The following LRRC8A variants were observed in gnomAD, a reference collection of about 807,000 sequenced individuals.
LRRC8A encodes leucine rich repeat containing 8 VRAC subunit A.
LRRC8A carries 24 observed loss-of-function variants against 52.5 expected under a neutral mutation model. The ratio of observed to expected loss-of-function variants is 0.46; its 90% CI spans 0.33 to 0.64. The LOEUF (loss-of-function observed/expected upper bound fraction) is 0.64. Among genes scored for constraint, LRRC8A ranks in the 30% least tolerant of loss-of-function variants. The pLI, the probability that LRRC8A is intolerant of heterozygous loss-of-function variation, is 0.02. For missense variants in LRRC8A, 677 were observed against 1,094.7 expected, an observed-to-expected ratio of 0.62 and a Z score of 5.38; for synonymous variants, 492 against 494.2, an observed-to-expected ratio of 1.00 and a Z score of 0.06.
intron 2 of LRRC8A, among the ~76,000 whole-genome samples, chr9:128,891,546 G>A (rs776924091): frequency 6.6e-6 from 1 of 152,160 alleles, no homozygotes; most frequent in South Asian, 2.1e-4. Context: ...CGGCGACAGC[G>A]CAAGATCCTG....
At chr9:128,889,378 G>A (rs1000023948) in intron 2 of LRRC8A, among the ~76,000 whole-genome samples, 4 of 152,086 alleles carry the variant, frequency 2.6e-5, no homozygotes, top group Non-Finnish European at 4.4e-5. Context: ...CTGACCGGAC[G>A]CCATTCTTTC....
Position 128,882,235 on chromosome 9 carries a change from G to T in LRRC8A, c.-131G>T, listed in dbSNP as rs1214412274. 6.5e-6 allele frequency: 1 copy of T among 152,936 alleles called. No individual in the cohort carries two copies. The highest frequency in any genetic ancestry group is 1.5e-5 in the Non-Finnish European group (1 of 68,398). 9.5% of individuals were successfully genotyped at this position (152,936 alleles called of 1,614,324 possible). A position where few individuals can be genotyped will look rare whatever the true frequency, so the allele number is the denominator to read the frequency against. ...CCTGGGGCTGCCTGCCGGGCGGCCG[G>T]GCGCGGCGAGCCCAGGTGAGTGGAC... On this transcript the variant is annotated 5_prime_UTR_variant, in exon 1 of 4. Transcript: ENST00000372600.
intron 3 of LRRC8A, chr9:128,912,820 G>GGGATGGAGAGACAT (rs1840615546): frequency 6.6e-6 from 1 of 152,446 alleles, no homozygotes; most frequent in Non-Finnish European, 1.5e-5. Context: ...AAGGCAGGTA[G>GGGATGGAGAGACAT]GGATGGAGAG....
At chr9:128,895,551 A>G (rs1839790291) in intron 2 of LRRC8A, among the ~76,000 whole-genome samples, 1 of 152,212 alleles carries the variant, frequency 6.6e-6, no homozygotes, top group Non-Finnish European at 1.5e-5. Flanking sequence ...ACCCCCAGGC[A>G]CAGAGATGCC....
Position 128,899,397 on chromosome 9 carries a change from G to A in LRRC8A, c.-8-7760G>A, listed in dbSNP as rs1839943447. 6.6e-6 allele frequency among the ~76,000 whole-genome samples: 1 copy of A among 150,838 alleles called. No homozygotes were observed. Among genetic ancestry groups the A allele is most frequent in the South Asian group, 2.1e-4 (1 of 4,676 alleles). On this transcript the variant is annotated intron_variant, in intron 2 of 3. Coordinates refer to ENST00000372600, the MANE Select transcript of LRRC8A (RefSeq NM_019594.4). This position sits in a 1 kb window ranked among gnomAD's most constrained non-coding sequence, Gnocchi z 4.0. Reference sequence around the variant, plus strand: ...CACCCCAAGAAGGGCTCTCGGTGGGGTCTGCTCCATCTGAATGGCCCACCC... The same window carrying A: ...CACCCCAAGAAGGGCTCTCGGTGGGATCTGCTCCATCTGAATGGCCCACCC...
At chr9:128,897,011 G>T (rs1053364071) in intron 2 of LRRC8A, among the ~76,000 whole-genome samples, 1 of 151,846 alleles carries the variant, frequency 6.6e-6, no homozygotes, top group African/African-American at 2.4e-5. Context: ...GGCGTGAGCA[G>T]TTGTGCCCGG....
chr9:128,893,023 G>A (rs1839686632), intron 2 of LRRC8A, among the ~76,000 whole-genome samples: 1 of 152,160 alleles, frequency 6.6e-6, no homozygotes, highest in African/African-American at 2.4e-5. Flanking sequence ...CGTGCTGGGG[G>A]GGTCTCTCTC....
At chr9:128,883,713 G>A (rs1185265361) in intron 1 of LRRC8A, among the ~76,000 whole-genome samples, 1 of 152,188 alleles carries the variant, frequency 6.6e-6, no homozygotes, top group Admixed American at 6.5e-5. Flanking sequence ...GGTGGCTCAC[G>A]CCTGTAATCC....
At chr9:128,896,826 A>G (rs1271857757) in intron 2 of LRRC8A, among the ~76,000 whole-genome samples, 1 of 151,964 alleles carries the variant, frequency 6.6e-6, no homozygotes, top group African/African-American at 2.4e-5. Context: ...AGTTCAAGGG[A>G]TTCTCCTGCC....
chr9:128,884,057 T>A (rs896989087), intron 1 of LRRC8A, among the ~76,000 whole-genome samples: 4 of 152,062 alleles, frequency 2.6e-5, no homozygotes, highest in Non-Finnish European at 5.9e-5. Context: ...GTGGTGGTTC[T>A]CCATCCCTTA....
At chr9:128,886,576 A>G (rs1839405669) in intron 2 of LRRC8A, among the ~76,000 whole-genome samples, 1 of 152,198 alleles carries the variant, frequency 6.6e-6, no homozygotes, top group African/African-American at 2.4e-5. Flanking sequence ...GATTGAGCTG[A>G]TCACGATAAG....
In LRRC8A at chr9:128,908,076, C is replaced by G. The variant is rs1222653903; in HGVS notation, c.912C>G (p.Gly304=). ...CCGTGGACATTGAGAGCCTGACGGG[C>G]TACCGCACCTACCGCTGTGCCCACC... ...DCTVDIESLT[G]YRTYRCAHPL... is the part of the protein sequence containing the mutation. The change falls in exon 3 of 4, where the codon GGC becomes GGG. Residue 304 remains glycine, a synonymous_variant. Transcript: ENST00000372600. 1 of 1,614,030 alleles carries G rather than the reference C, an allele frequency of 6.2e-7. No individual in the cohort carries two copies. Among genetic ancestry groups the G allele is most frequent in the African/African-American group, 1.3e-5 (1 of 75,034 alleles).
At chr9:128,885,939 G>A (rs902114642) in intron 1 of LRRC8A, 76 bp from the exon 2 acceptor site, 2 of 152,388 alleles carry the variant, frequency 1.3e-5, no homozygotes, top group South Asian at 2.1e-4. Context: ...AGGCTCTCAG[G>A]AAGTGCTGGC....
chr9:128,894,231 C>T (rs1193443744), intron 2 of LRRC8A, among the ~76,000 whole-genome samples: 2 of 151,878 alleles, frequency 1.3e-5, no homozygotes, highest in Admixed American at 6.6e-5. Context: ...CACCTGTAAT[C>T]CCAGCACTTT....
At chr9:128,915,983 G>A (rs1588235431) in intron 3 of LRRC8A, 113 bp from the exon 4 acceptor site, 1 of 1,301,450 alleles carries the variant, frequency 7.7e-7, no homozygotes, top group South Asian at 1.4e-5. Context: ...TGATGCTGGG[G>A]GCCTGGGGAT....
At chr9:128,904,822 G>T (rs548340591) in intron 2 of LRRC8A, among the ~76,000 whole-genome samples, 4 of 151,532 alleles carry the variant, frequency 2.6e-5, no homozygotes, top group Non-Finnish European at 4.4e-5. Flanking sequence ...GTGAAACCCC[G>T]TCTCTACTAA....
chr9:128,907,206 G>C lies in LRRC8A; in HGVS notation c.42G>C (p.Gln14His), dbSNP rs1840287704. 1 of 1,612,414 alleles carries C rather than the reference G, an allele frequency of 6.2e-7. No individual in the cohort carries two copies. The highest frequency in any genetic ancestry group is 1.3e-5 in the African/African-American group (1 of 74,924). The part of the protein sequence containing the change: ...VTELRYFADT[Q>H]PAYRILKPWW... ...AGCTCCGCTACTTTGCGGACACGCA[G>C]CCAGCATACCGGATCCTGAAGCCGT... Residue 14 changes from glutamine (Q) to histidine (H), a missense_variant, in exon 3 of 4, where the codon CAG becomes CAC. Around this residue, in one of 4 missense-constraint regions of LRRC8A, gnomAD observed 32 missense variants for 86.0 expected, o/e 0.37. Coordinates refer to ENST00000372600, the MANE Select transcript of LRRC8A (RefSeq NM_019594.4). This position sits in a 1 kb window ranked among gnomAD's most constrained non-coding sequence, Gnocchi z 9.3.
intron 2 of LRRC8A, among the ~76,000 whole-genome samples, chr9:128,903,384 T>C (rs188467653): frequency 1.3e-3 from 191 of 150,972 alleles, no homozygotes; most frequent in Non-Finnish European, 2.0e-3. Context: ...GGCTGGGGAG[T>C]GTTTGGCATT....
rs543815020 is a variant in LRRC8A at position 128,909,758 on chromosome 9, G to A, written c.2157+437G>A. On this transcript the variant is annotated intron_variant, in intron 3 of 3. Transcript: ENST00000372600. ...TGTCTTCCTCAGCTTGTTCCCAGTC[G>A]GACTTGGAGGCAAGGAGCCAATCCG... Among the ~76,000 whole-genome samples the A allele has an allele frequency of 4.6e-5, 7 of 152,280 alleles. No individual in the cohort carries two copies. In the East Asian group the frequency reaches 5.8e-4, roughly 13 times the overall value.
Sources: allele counts gnomAD v4.1 joint callset (sites outside exome capture counted in the v4.1 genomes callset), GRCh38; gene constraint gnomAD v4.1.1; regional missense constraint gnomAD v4.1.1; non-coding constraint Gnocchi (gnomAD v3.1); transcripts MANE v1.5; gene names NCBI Gene and HGNC (gene_info 2026-07-23, HGNC 2026-07-21).